CBFA2T2: variants seen among roughly 807,000 people sequenced by gnomAD.
CBFA2T2 encodes CBFA2/RUNX1 partner transcriptional co-repressor 2, also known as protein CBFA2T2.
CBFA2T2 carries 11 observed loss-of-function variants against 62.2 expected under a neutral mutation model. The observed-to-expected ratio is 0.18, with a 90% CI of 0.11 to 0.29. The LOEUF is 0.29. CBFA2T2 is among the 10% of genes least tolerant of loss of function. The pLI is 1.00. For synonymous variants in CBFA2T2, 295 were observed against 287.5 expected, an observed-to-expected ratio of 1.03 and a Z score of -0.27; for missense variants, 592 against 774.1, an observed-to-expected ratio of 0.76 and a Z score of 2.79.
chr20:33,628,303 T>C (rs2016323861), intron 6 of CBFA2T2, 47 bp from the exon 7 acceptor site: 1 of 1,306,760 alleles, frequency 7.7e-7, no homozygotes, highest in African/African-American at 1.4e-5. Flanking sequence ...TTTGCTTCTA[T>C]TGTGTTTTTC....
intron 8 of CBFA2T2, among the ~76,000 whole-genome samples, chr20:33,631,005 G>A (rs1178345676): frequency 2.6e-5 from 4 of 152,124 alleles, no homozygotes; most frequent in African/African-American, 7.2e-5. Flanking sequence ...TATATAGTAT[G>A]ATTCCTTTCG....
chr20:33,572,751 A>T (rs1352354335), intron 1 of CBFA2T2, among the ~76,000 whole-genome samples: 1 of 152,262 alleles, frequency 6.6e-6, no homozygotes, highest in East Asian at 1.9e-4. Context: ...TAAAGCCAGC[A>T]TAAAGCTTTG....
At chr20:33,519,767 A>G (rs1412087066) in intron 1 of CBFA2T2, among the ~76,000 whole-genome samples, 2 of 152,138 alleles carry the variant, frequency 1.3e-5, no homozygotes, top group Non-Finnish European at 2.9e-5. Context: ...GGGTTCCTAA[A>G]TAATTCTCTT....
rs376048540 is a variant in CBFA2T2 at position 33,559,172 on chromosome 20, CTTTTTTTTTTT to C, written c.35-47773_35-47763del. On this transcript the variant is annotated intron_variant, in intron 1 of 10. Transcript: ENST00000342704. ...CAATTGCAGCTTCTTTTTTTCCTTT[CTTTTTTTTTTT>C]TTTTTTTTTTCTGAGATGGAGTGTC... Among the ~76,000 whole-genome samples, 170 of 87,628 alleles carry C rather than the reference CTTTTTTTTTTT, an allele frequency of 1.9e-3. 3 individuals are homozygous for C. The highest frequency in any genetic ancestry group is 8.5e-3 in the African/African-American group (162 of 19,104). 57.5% of individuals were successfully genotyped at this position (87,628 alleles called of 152,430 possible). A position where few individuals can be genotyped will look rare whatever the true frequency, so the allele number is the denominator to read the frequency against.
chr20:33,543,515 G>T lies in CBFA2T2; in HGVS notation c.34+53214G>T, dbSNP rs146563399. 8.9e-3 allele frequency among the ~76,000 whole-genome samples: 1,360 copies of T among 152,262 alleles called. 10 individuals are homozygous for T. Among genetic ancestry groups the T allele is most frequent in the South Asian group, 0.035 (171 of 4,824 alleles). ...AATAGTTATTAGAGTTCAAAGAAGTGGGGGAGATGAACACGTACTAGAGAA... is the reference window on the plus strand; with the variant it reads ...AATAGTTATTAGAGTTCAAAGAAGTTGGGGAGATGAACACGTACTAGAGAA... On this transcript the variant is annotated intron_variant, in intron 1 of 10. Coordinates refer to ENST00000342704, the MANE Select transcript of CBFA2T2 (RefSeq NM_001032999.3).
chr20:33,579,334 T>A (rs1007587094), intron 1 of CBFA2T2, among the ~76,000 whole-genome samples: 1 of 151,912 alleles, frequency 6.6e-6, no homozygotes, highest in Non-Finnish European at 1.5e-5. Flanking sequence ...TCCCAAAGCA[T>A]TGGGAATACA....
intron 5 of CBFA2T2, chr20:33,623,947 A>G (rs781698674): frequency 1.7e-6 from 1 of 571,792 alleles, no homozygotes; most frequent in South Asian, 2.3e-5. Context: ...GTTTGTAGAA[A>G]GAATTGGAAA....
intron 1 of CBFA2T2, among the ~76,000 whole-genome samples, chr20:33,540,406 T>C (rs1015574150): frequency 7.2e-5 from 11 of 152,242 alleles, no homozygotes; most frequent in Non-Finnish European, 1.5e-4. Context: ...AGCATGTTAC[T>C]GTACTGAATG....
At chr20:33,534,053 T>A (rs2012135076) in intron 1 of CBFA2T2, among the ~76,000 whole-genome samples, 1 of 152,144 alleles carries the variant, frequency 6.6e-6, no homozygotes, top group Admixed American at 6.6e-5. Flanking sequence ...AGTCTTGAAC[T>A]CCTGGGCTCT....
chr20:33,540,602 C>T (rs145735041), intron 1 of CBFA2T2, among the ~76,000 whole-genome samples: 1 of 152,166 alleles, frequency 6.6e-6, no homozygotes, highest in African/African-American at 2.4e-5. Flanking sequence ...TTTCAGATTT[C>T]GTTAAGAAGT....
chr20:33,635,721 A>C (rs1236019425), intron 8 of CBFA2T2, among the ~76,000 whole-genome samples: 1 of 152,146 alleles, frequency 6.6e-6, no homozygotes, highest in Non-Finnish European at 1.5e-5. Flanking sequence ...AAAAATTTAG[A>C]AGGGAAATTA....
intron 1 of CBFA2T2, among the ~76,000 whole-genome samples, chr20:33,560,265 C>G (rs2013038443): frequency 6.6e-6 from 1 of 152,166 alleles, no homozygotes; most frequent in Non-Finnish European, 1.5e-5. Flanking sequence ...TGGTAGCTGG[C>G]TTCCTTGAGA....
At chr20:33,506,087 C>CA (rs1314952092) in intron 1 of CBFA2T2, among the ~76,000 whole-genome samples, 5 of 150,440 alleles carry the variant, frequency 3.3e-5, no homozygotes, top group African/African-American at 7.3e-5. Context: ...AAGACTGTCT[C>CA]AAAAAAAATA....
At chr20:33,564,405 G>A (rs556997053) in intron 1 of CBFA2T2, among the ~76,000 whole-genome samples, 21 of 151,642 alleles carry the variant, frequency 1.4e-4, no homozygotes, top group Admixed American at 1.3e-3. Context: ...GAGTATAGGC[G>A]TGCCACCATG....
chr20:33,514,260 G>C (rs1345160492), intron 1 of CBFA2T2, among the ~76,000 whole-genome samples: 1 of 134,830 alleles, frequency 7.4e-6, no homozygotes, highest in Non-Finnish European at 1.5e-5. Flanking sequence ...TGTCACCCAG[G>C]CTGGAGTGCA....
At chr20:33,553,654 A>G (rs1479702213) in intron 1 of CBFA2T2, among the ~76,000 whole-genome samples, 1 of 152,200 alleles carries the variant, frequency 6.6e-6, no homozygotes, top group Non-Finnish European at 1.5e-5. Flanking sequence ...TATGTAAAGG[A>G]ATGGGCATGG....
Position 33,606,166 on chromosome 20 carries a change from T to C in CBFA2T2, c.35-790T>C, listed in dbSNP as rs139569810. On this transcript the variant is annotated intron_variant, in intron 1 of 10. Transcript: ENST00000342704. Reference sequence around the variant, plus strand: ...ACTGATTGATTTTCTTTTCATGTCTTGCAGTTGAGGCCTAAGTCTAGATAG... The same window carrying C: ...ACTGATTGATTTTCTTTTCATGTCTCGCAGTTGAGGCCTAAGTCTAGATAG... Among the ~76,000 whole-genome samples the C allele has an allele frequency of 4.8e-3, 736 of 152,298 alleles. 6 individuals carry two copies. Among genetic ancestry groups the C allele is most frequent in the African/African-American group, 0.017 (697 of 41,564 alleles).
intron 1 of CBFA2T2, among the ~76,000 whole-genome samples, chr20:33,557,375 G>A: frequency 6.6e-6 from 1 of 152,016 alleles, no homozygotes; most frequent in Non-Finnish European, 1.5e-5. Context: ...AGGATCCTTG[G>A]TTTTAGTAGA....
intron 10 of CBFA2T2, 86 bp from the exon 11 acceptor site, chr20:33,644,261 C>T (rs535158628): frequency 8.8e-6 from 13 of 1,476,768 alleles, no homozygotes; most frequent in Non-Finnish European, 1.1e-5. Flanking sequence ...TCTCTACATA[C>T]AGCCCCTTGC....
Sources: allele counts gnomAD v4.1 joint callset (sites outside exome capture counted in the v4.1 genomes callset), GRCh38; gene constraint gnomAD v4.1.1; transcripts MANE v1.5; gene names NCBI Gene and HGNC (gene_info 2026-07-23, HGNC 2026-07-21).